The following STMN3 variants were observed in gnomAD, a reference collection of about 807,000 sequenced individuals.
STMN3 encodes the protein stathmin 3.
In STMN3, 24 loss-of-function variants were observed where a neutral mutation model predicts 23.2. The ratio of observed to expected loss-of-function variants is 1.03; its 90% CI spans 0.75 to 1.45. The LOEUF (loss-of-function observed/expected upper bound fraction) is 1.45, where lower values mean the gene tolerates loss of function less well. Ranked by LOEUF, STMN3 falls within the 40% of genes most tolerant of loss-of-function variation. The pLI is 0.00. For missense variants in STMN3, 235 were observed against 237.6 expected (o/e 0.99, Z 0.07); for synonymous variants, 117 against 103.4 (o/e 1.13, Z -0.80).
intron 3 of STMN3, among the ~76,000 whole-genome samples, chr20:63,643,195 G>C (rs58675328): frequency 6.6e-6 from 1 of 151,956 alleles, no homozygotes; most frequent in Admixed American, 6.5e-5. Context: ...CCCTGACAAG[G>C]GTGCCTCCCA....
rs1043252257 is a variant in STMN3, at chr20:63,643,739, G to A, written c.291+17C>T. 12 of 1,520,550 alleles carry A rather than the reference G, an allele frequency of 7.9e-6. No homozygotes were observed. The highest frequency in any genetic ancestry group is 8.7e-6 in the Non-Finnish European group (10 of 1,144,250). The allele number at this position is 1,520,550 out of a possible 1,614,324, so 94.2% of individuals were successfully genotyped here. A position where few individuals can be genotyped will look rare whatever the true frequency, so the allele number is the denominator to read the frequency against. On this transcript the variant is annotated intron_variant, in intron 3 of 4. Transcript: ENST00000370053. ...CCGTTGAAACTCCTGGGGGGTGGGG[G>A]ATGGAGGACTCCTTGCCTTCCTCCG... is the stretch of plus-strand genomic sequence containing the variant.
intron 1 of STMN3, among the ~76,000 whole-genome samples, chr20:63,647,742 CGT>C (rs1390165650): frequency 9.1e-6 from 1 of 109,864 alleles, no homozygotes; most frequent in African/African-American, 3.4e-5. Context: ...TATATATACA[CGT>C]GTATATATAT....
At chr20:63,647,639 T>TATATATATACATGTATATATATA (rs2089819334) in intron 1 of STMN3, among the ~76,000 whole-genome samples, 1 of 139,706 alleles carries the variant, frequency 7.2e-6, no homozygotes, top group Non-Finnish European at 1.5e-5. Context: ...AACAAACATA[T>TATATATATACATGTATATATATA]ATATATATAC....
intron 1 of STMN3, among the ~76,000 whole-genome samples, chr20:63,647,279 G>C (rs940610124): frequency 4.2e-5 from 6 of 143,620 alleles, no homozygotes; most frequent in African/African-American, 1.6e-4. Context: ...CTGCACTCCA[G>C]CCTGGGAGCA....
intron 1 of STMN3, 111 bp from the exon 2 acceptor site, chr20:63,644,420 C>A: frequency 1.3e-6 from 1 of 772,768 alleles, no homozygotes; most frequent in Non-Finnish European, 2.2e-6. Flanking sequence ...CACGGAGCTG[C>A]CCAGCACGCT....
At chr20:63,647,991 T>TATATATATATATACACAC (rs1288050001) in intron 1 of STMN3, among the ~76,000 whole-genome samples, 44 of 75,876 alleles carry the variant, frequency 5.8e-4, no homozygotes, top group African/African-American at 7.8e-4. Context: ...CATATATATA[T>TATATATATATATACACAC]ACAGAGAGAG....
intron 1 of STMN3, among the ~76,000 whole-genome samples, chr20:63,651,797 CTG>C (rs1346094218): frequency 1.3e-5 from 2 of 152,178 alleles, no homozygotes; most frequent in Non-Finnish European, 2.9e-5. Flanking sequence ...AGGTCAGACT[CTG>C]GGTTGCAGAA....
intron 3 of STMN3, 147 bp downstream of exon 3, chr20:63,643,607 GAA>G: frequency 7.4e-7 from 1 of 1,352,476 alleles, no homozygotes; most frequent in South Asian, 1.9e-5. Context: ...TTATCTCTCA[GAA>G]AGAGGCCCAG....
rs1601054459 is a variant in STMN3 at position 63,642,142 on chromosome 20, T to C, written c.449A>G (p.His150Arg). 2.9e-6 allele frequency: 4 copies of C among 1,397,878 alleles called. No homozygotes were observed. Among genetic ancestry groups the C allele is most frequent in the African/African-American group, 1.8e-5 (1 of 54,976 alleles). The allele number at this position is 1,397,878 out of a possible 1,614,324, so 86.6% of individuals were successfully genotyped here. A position where few individuals can be genotyped will look rare whatever the true frequency, so the allele number is the denominator to read the frequency against. ...CAGCCGCTCGCGCAGTGCGGCCAGG[T>C]GTGCCTCGCGGATCTCCTTGCTGAG... ...MELSKEIREA[H>R]LAALRERLRE... is the part of the protein sequence containing the mutation. The change falls in exon 4 of 5, where the codon CAC (histidine) becomes CGC (arginine). Residue 150 changes from histidine (H) to arginine (R), a missense_variant. His to Arg is a conservative substitution (Grantham distance 29, BLOSUM62 0). Transcript: ENST00000370053.
intron 1 of STMN3, among the ~76,000 whole-genome samples, chr20:63,647,799 GTA>G (rs1569069994): frequency 1.7e-5 from 2 of 114,474 alleles, no homozygotes; most frequent in African/African-American, 3.2e-5. Flanking sequence ...ATATATATAC[GTA>G]TATATACACG....
intron 3 of STMN3, 133 bp downstream of exon 3, chr20:63,643,623 G>T: frequency 7.3e-7 from 1 of 1,365,740 alleles, no homozygotes; most frequent in East Asian, 3.0e-5. Flanking sequence ...GGCCCAGGGA[G>T]CCACAGCCCC....
chr20:63,645,000 C>G (rs1251434150), intron 1 of STMN3, among the ~76,000 whole-genome samples: 1 of 152,174 alleles, frequency 6.6e-6, no homozygotes, highest in South Asian at 2.1e-4. Context: ...CTCTGTTTAC[C>G]TTCTGTGTGT....
At chr20:63,644,024 G>T in intron 2 of STMN3, 93 bp from the exon 3 acceptor site, 1 of 1,528,124 alleles carries the variant, frequency 6.5e-7, no homozygotes, top group Non-Finnish European at 8.8e-7. Context: ...CAACCCCAGG[G>T]CTGGGCGAGA....
Position 63,649,313 on chromosome 20 carries a change from C to A in STMN3, c.19+4014G>T, listed in dbSNP as rs1395754360. ...ATTGGCCAACTCTGGAGAGAGCAAG[C>A]AAGGGGAAGTCTGCGCACAGGGCAG... On this transcript the variant is annotated intron_variant, in intron 1 of 4. Coordinates refer to ENST00000370053, the MANE Select transcript of STMN3 (RefSeq NM_015894.4). Among the ~76,000 whole-genome samples, 3 of 152,130 alleles carry A rather than the reference C, an allele frequency of 2.0e-5. No individual in the cohort carries two copies. The East Asian group carries it at 5.8e-4, about 29-fold the overall frequency.
At chr20:63,647,506 C>T (rs1011142447) in intron 1 of STMN3, among the ~76,000 whole-genome samples, 5 of 150,684 alleles carry the variant, frequency 3.3e-5, no homozygotes, top group African/African-American at 1.2e-4. Flanking sequence ...GTCCCAGCTA[C>T]TCGGGAGACT....
rs761525903 is a variant in STMN3 at position 63,643,838 on chromosome 20, A to T, written c.209T>A (p.Met70Lys). ...CTTCTTCTTGGGTGGGGAGGAGAGC[A>T]TAGGGCTCTCTGGGGACAGGTCAGA... ...SPSDLSPESPMLSSPPKKKDT... is the reference protein window; with the variant it reads ...SPSDLSPESPKLSSPPKKKDT... The change falls in exon 3 of 5, where the codon ATG becomes AAG. Residue 70 changes from methionine to lysine, a missense_variant. By Grantham distance (95) the Met-to-Lys change is moderately conservative. Transcript: ENST00000370053. The T allele has an allele frequency of 6.3e-7, 1 of 1,575,888 alleles. No individual in the cohort carries two copies. The highest frequency in any genetic ancestry group is 8.5e-7 in the Non-Finnish European group (1 of 1,169,802).
intron 3 of STMN3, 118 bp downstream of exon 3, chr20:63,643,638 G>A (rs915865630): frequency 7.3e-5 from 101 of 1,386,556 alleles, no homozygotes; most frequent in Non-Finnish European, 8.8e-5. Flanking sequence ...AGCCCCTCCT[G>A]CTCCAGGCCA....
chr20:63,647,991 T>TATATATATATATATACACAC (rs1288050001), intron 1 of STMN3, among the ~76,000 whole-genome samples: 6 of 75,892 alleles, frequency 7.9e-5, no homozygotes, highest in African/African-American at 1.5e-4. Context: ...CATATATATA[T>TATATATATATATATACACAC]ACAGAGAGAG....
At position 63,647,989 on chromosome 20, in the gene STMN3, T is replaced by TAC. The variant is rs1555897555; in HGVS notation, c.20-3681_20-3680insGT. 1.6e-4 allele frequency among the ~76,000 whole-genome samples: 13 copies of TAC among 81,802 alleles called. 1 individual carries two copies. Among genetic ancestry groups the TAC allele is most frequent in the African/African-American group, 2.8e-4 (5 of 17,852 alleles). The allele number at this position is 81,802 out of a possible 152,430, so 53.7% of individuals were successfully genotyped here. ...ATATATATATATATATACATATATA[T>TAC]ATACAGAGAGAGAGAGAGTAGTGAT... On this transcript the variant is annotated intron_variant, in intron 1 of 4. Transcript: ENST00000370053.
Sources: gnomAD v4.1 joint callset for allele counts (sites outside exome capture counted in the v4.1 genomes callset) on GRCh38, gnomAD v4.1.1 for gene constraint, MANE v1.5 for transcripts, NCBI Gene and HGNC (gene_info 2026-07-23, HGNC 2026-07-21) for gene names.